Variants in PALLD observed in about 807,000 individuals in gnomAD.
PALLD encodes the protein palladin.
A neutral mutation model predicts 123.5 loss-of-function variants in PALLD; 61 were observed. The ratio of observed to expected loss-of-function variants is 0.49; its 90% CI spans 0.40 to 0.61. The LOEUF (loss-of-function observed/expected upper bound fraction) is 0.61. PALLD is among the 20% of genes least tolerant of loss of function. PALLD has a pLI of 0.00. For missense variants in PALLD, 1,273 were observed against 1,377.0 expected (o/e 0.92, Z 1.20); for synonymous variants, 465 against 496.4 (o/e 0.94, Z 0.84).
At chr4:168,504,200 T>C (rs1761745917) in intron 1 of PALLD, among the ~76,000 whole-genome samples, 1 of 152,158 alleles carries the variant, frequency 6.6e-6, no homozygotes, top group Non-Finnish European at 1.5e-5. Flanking sequence ...GAAAGGGAAG[T>C]AGAAGAAAGG....
intron 7 of PALLD, 69 bp from the exon 8 acceptor site, chr4:168,691,199 GT>G (rs1046569307): frequency 2.9e-5 from 33 of 1,138,696 alleles, no homozygotes; most frequent in Non-Finnish European, 3.5e-5. Context: ...GAACAAGTAG[GT>G]TTTTTTTAAT....
intron 2 of PALLD, among the ~76,000 whole-genome samples, chr4:168,600,130 C>G (rs935929047): frequency 6.6e-6 from 1 of 151,114 alleles, no homozygotes; most frequent in Non-Finnish European, 1.5e-5. Context: ...CATGTGTATA[C>G]ACACATATAT....
intron 2 of PALLD, among the ~76,000 whole-genome samples, chr4:168,656,134 A>G (rs546462371): frequency 6.6e-6 from 1 of 152,282 alleles, no homozygotes; most frequent in African/African-American, 2.4e-5. Flanking sequence ...ACAATAGCTA[A>G]TAATTACCTG....
At chr4:168,513,845 C>G (rs868460194) in intron 2 of PALLD, among the ~76,000 whole-genome samples, 1 of 152,106 alleles carries the variant, frequency 6.6e-6, no homozygotes, top group Admixed American at 6.5e-5. Flanking sequence ...TGGCTCATGC[C>G]TGTAATTCCA....
intron 10 of PALLD, among the ~76,000 whole-genome samples, chr4:168,738,866 T>C (rs879860439): frequency 3.5e-4 from 53 of 152,044 alleles, no homozygotes; most frequent in Non-Finnish European, 6.6e-4. Context: ...ATGAGTACTG[T>C]ATAATATTTC....
chr4:168,615,666 T>C (rs1774158995), intron 2 of PALLD, among the ~76,000 whole-genome samples: 1 of 152,200 alleles, frequency 6.6e-6, no homozygotes, highest in Admixed American at 6.5e-5. Context: ...AGGGGTCTGA[T>C]GTGACATCTG....
intron 10 of PALLD, among the ~76,000 whole-genome samples, chr4:168,774,340 A>G (rs1581404123): frequency 6.6e-6 from 1 of 152,208 alleles, no homozygotes; most frequent in East Asian, 1.9e-4. Context: ...TTGAGGTATA[A>G]TTGCTATATA....
intron 10 of PALLD, among the ~76,000 whole-genome samples, chr4:168,729,318 A>G (rs1052490636): frequency 6.7e-6 from 1 of 149,212 alleles, no homozygotes; most frequent in African/African-American, 2.5e-5. Context: ...GGCATGCACC[A>G]CCATACCTGG....
chr4:168,841,940 G>C (rs1489909464), intron 10 of PALLD, among the ~76,000 whole-genome samples: 1 of 152,190 alleles, frequency 6.6e-6, no homozygotes, highest in Non-Finnish European at 1.5e-5. Flanking sequence ...GGTTTATTAT[G>C]TGAAAAATAA....
chr4:168,747,282 A>G (rs1157371944), intron 10 of PALLD, among the ~76,000 whole-genome samples: 1 of 152,250 alleles, frequency 6.6e-6, no homozygotes, highest in Non-Finnish European at 1.5e-5. Context: ...TGTCTAGGAC[A>G]TTACGCTGAG....
intron 2 of PALLD, among the ~76,000 whole-genome samples, chr4:168,557,781 A>AT (rs1326580732): frequency 2.6e-5 from 4 of 151,840 alleles, no homozygotes; most frequent in Non-Finnish European, 5.9e-5. Flanking sequence ...GTGGTATGAG[A>AT]TTTTCTCCCC....
chr4:168,758,588 G>T (rs1307524034), intron 10 of PALLD, among the ~76,000 whole-genome samples: 2 of 152,038 alleles, frequency 1.3e-5, no homozygotes, highest in East Asian at 3.9e-4. Flanking sequence ...ATATGAGTTT[G>T]TTGGTATTTT....
At chr4:168,672,935 A>G (rs1780442737) in intron 3 of PALLD, among the ~76,000 whole-genome samples, 1 of 152,182 alleles carries the variant, frequency 6.6e-6, no homozygotes, top group Non-Finnish European at 1.5e-5. Context: ...ATTCAAACCT[A>G]GGCAGTGTGA....
intron 2 of PALLD, among the ~76,000 whole-genome samples, chr4:168,645,290 AG>A (rs1777336519): frequency 6.6e-6 from 1 of 152,174 alleles, no homozygotes; most frequent in African/African-American, 2.4e-5. Context: ...TGTGCAGCAC[AG>A]TACCTGATAT....
chr4:168,567,272 C>T (rs2149595398), intron 2 of PALLD, among the ~76,000 whole-genome samples: 1 of 151,312 alleles, frequency 6.6e-6, no homozygotes, highest in South Asian at 2.2e-4. Context: ...GCAGACTAGG[C>T]ATCTGACAAA....
At chr4:168,811,774 TCTCA>T (rs751302659) in intron 10 of PALLD, among the ~76,000 whole-genome samples, 1,627 of 109,446 alleles carry the variant, frequency 0.015, 26 homozygotes, top group African/African-American at 0.045. Flanking sequence ...TCTCTCTCTC[TCTCA>T]CACACACACA....
chr4:168,549,036 G>GA (rs903065590), intron 2 of PALLD, among the ~76,000 whole-genome samples: 5 of 149,324 alleles, frequency 3.3e-5, no homozygotes, highest in Admixed American at 6.7e-5. Context: ...AAGAAAGAAA[G>GA]AAAAAAAAAT....
chr4:168,680,481 CAAAAAAAAAAAAA>C (rs571607157), intron 3 of PALLD, among the ~76,000 whole-genome samples: 32 of 59,172 alleles, frequency 5.4e-4, no homozygotes, highest in African/African-American at 1.2e-3. Context: ...GATTCCGTCT[CAAAAAAAAAAAAA>C]AAAAAAAAAA....
At chr4:168,825,702 C>T (rs1743321566) in intron 10 of PALLD, among the ~76,000 whole-genome samples, 1 of 151,808 alleles carries the variant, frequency 6.6e-6, no homozygotes. Context: ...GCTGCAACAC[C>T]CTAAGCAGCT....
Sources: allele counts gnomAD v4.1 joint callset (sites outside exome capture counted in the v4.1 genomes callset), GRCh38; gene constraint gnomAD v4.1.1; transcripts MANE v1.5; gene names NCBI Gene and HGNC (gene_info 2026-07-23, HGNC 2026-07-21).